Variants in THEMIS2 observed in about 807,000 individuals in gnomAD.
THEMIS2 encodes protein THEMIS2.
THEMIS2 carries 29 observed loss-of-function variants against 46.8 expected under a neutral mutation model. That is an observed-to-expected ratio of 0.62 (90% confidence interval 0.46 to 0.84). The LOEUF is 0.84. Ranked by LOEUF, THEMIS2 falls within the 40% of genes least tolerant of loss-of-function variation. The pLI is 0.00. For synonymous variants in THEMIS2, 335 were observed against 349.1 expected (o/e 0.96, Z 0.45); for missense variants, 698 against 834.7 (o/e 0.84, Z 2.02).
Position 27,882,491 on chromosome 1 carries a change from C to A in THEMIS2, c.1167C>A (p.Asp389Glu), listed in dbSNP as rs76072311. 2 of 1,613,338 alleles carry A rather than the reference C, an allele frequency of 1.2e-6. No individual in the cohort carries two copies. The highest frequency in any genetic ancestry group is 4.5e-5 in the East Asian group (2 of 44,858). ...AGGCCCATGGGGCCCAGGGCAGTGA[C>A]GTGGATGTCTTGGTTTGTCAGCGGC... Reference protein sequence around the residue: ...PGQAHGAQGSDVDVLVCQRLS... With the variant: ...PGQAHGAQGSEVDVLVCQRLS... Residue 389 changes from aspartate (D) to glutamate (E), a missense_variant, in exon 4 of 6, where the codon GAC (aspartate) becomes GAA (glutamate). Coordinates refer to ENST00000373921, the MANE Select transcript of THEMIS2 (RefSeq NM_001105556.3). The surrounding 1 kb of genome is among the most constrained non-coding windows in gnomAD (Gnocchi z 7.6).
rs74840077 is a variant in THEMIS2 at position 27,882,194 on chromosome 1, C to A, written c.870C>A (p.Cys290Ter). ...VGSLQKGQRLCVYGLASPPWR... is the reference protein window; with the variant it reads ...VGSLQKGQRL ...CCTTGCAAAAAGGCCAGAGGCTTTGCGTCTATGGCCTAGCCTCACCACCCT... is the reference window on the plus strand; with the variant it reads ...CCTTGCAAAAAGGCCAGAGGCTTTGAGTCTATGGCCTAGCCTCACCACCCT... The change falls in exon 4 of 6, where the codon TGC (cysteine) becomes TGA (stop). Residue 290 changes from cysteine (C) to a stop codon, truncating the protein, a stop_gained. Transcript: ENST00000373921. LOFTEE classifies it high-confidence loss of function. This position sits in a 1 kb window ranked among gnomAD's most constrained non-coding sequence, Gnocchi z 7.6. The A allele has an allele frequency of 6.2e-7, 1 of 1,613,330 alleles. No homozygotes were observed. Among genetic ancestry groups the A allele is most frequent in the African/African-American group, 1.3e-5 (1 of 74,904 alleles).
chr1:27,878,568 T>TAC (rs982418973), intron 2 of THEMIS2, among the ~76,000 whole-genome samples: 2 of 150,966 alleles, frequency 1.3e-5, no homozygotes, highest in African/African-American at 2.4e-5. Flanking sequence ...TCTCCATACA[T>TAC]ACACACACAC....
chr1:27,885,605 G>A (rs1328699616), intron 5 of THEMIS2, among the ~76,000 whole-genome samples, 154 bp downstream of exon 5: 3 of 152,164 alleles, frequency 2.0e-5, no homozygotes, highest in East Asian at 3.9e-4. Context: ...AGGTAGAAAG[G>A]TTCCTACTGT....
chr1:27,877,168 T>C (rs570011744), intron 2 of THEMIS2, among the ~76,000 whole-genome samples: 2 of 152,054 alleles, frequency 1.3e-5, no homozygotes. Flanking sequence ...TCATAAGCTT[T>C]AGAGAGGGGT....
rs1557449835 is a variant in THEMIS2 at position 27,879,823 on chromosome 1, C to T, written c.415C>T (p.Leu139Phe). The change falls in exon 3 of 6, where the codon CTC (leucine) becomes TTC (phenylalanine). Residue 139 changes from leucine (L) to phenylalanine (F), a missense_variant. Leu to Phe is a conservative substitution (Grantham distance 22). Transcript: ENST00000373921. ...CATGCTTGAGGCTGTGGTGATGCAC[C>T]TCGGGATCCGCTCTGCCCGCTGTGT... ...LLMLEAVVMH[L>F]GIRSARCVLG... 1.2e-6 allele frequency: 2 copies of T among 1,613,666 alleles called. No homozygotes were observed. Among genetic ancestry groups the T allele is most frequent in the South Asian group, 1.1e-5 (1 of 91,084 alleles).
Position 27,886,178 on chromosome 1 carries a change from A to G in THEMIS2, c.*256A>G. ...TCAGCCTCAGAGCCTTGGGATGCAGAGCAGCTGGCAGGGTTCCTCTCAATC... is the reference window on the plus strand; with the variant it reads ...TCAGCCTCAGAGCCTTGGGATGCAGGGCAGCTGGCAGGGTTCCTCTCAATC... On this transcript the variant is annotated 3_prime_UTR_variant, in exon 6 of 6. Transcript: ENST00000373921. 2.0e-6 allele frequency: 1 copy of G among 502,544 alleles called. No individual in the cohort carries two copies. The highest frequency in any genetic ancestry group is 3.6e-6 in the Non-Finnish European group (1 of 278,636). 31.1% of individuals were successfully genotyped at this position (502,544 alleles called of 1,614,324 possible). A position where few individuals can be genotyped will look rare whatever the true frequency, so the allele number is the denominator to read the frequency against.
Position 27,885,851 on chromosome 1 carries a change from T to C in THEMIS2, c.1877-16T>C. 1 of 1,613,854 alleles carries C rather than the reference T, an allele frequency of 6.2e-7. No individual in the cohort carries two copies. The highest frequency in any genetic ancestry group is 8.5e-7 in the Non-Finnish European group (1 of 1,179,858). On this transcript the variant is annotated splice_polypyrimidine_tract_variant and intron_variant, in intron 5 of 5. Coordinates refer to ENST00000373921, the MANE Select transcript of THEMIS2 (RefSeq NM_001105556.3). ...CCTAACGCTAAAGATCCTCATTGAC[T>C]CGGACTCTTTTGCAGATGATGATGA...
chr1:27,875,128 A>G (rs745482661), intron 1 of THEMIS2, among the ~76,000 whole-genome samples: 3 of 151,544 alleles, frequency 2.0e-5, no homozygotes, highest in South Asian at 2.1e-4. Context: ...ACAGGTGCCA[A>G]CCTCCACACT....
intron 2 of THEMIS2, 45 bp from the exon 3 acceptor site, chr1:27,879,599 C>T (rs750799391): frequency 1.8e-5 from 27 of 1,530,582 alleles, no homozygotes; most frequent in Non-Finnish European, 2.3e-5. Flanking sequence ...CTGCCCCACC[C>T]TGACACCCCA....
Position 27,886,059 on chromosome 1 carries a change from G to T in THEMIS2, c.*137G>T. The T allele has an allele frequency of 1.3e-6, 1 of 759,104 alleles. No homozygotes were observed. Among genetic ancestry groups the T allele is most frequent in the Non-Finnish European group, 2.2e-6 (1 of 450,036 alleles). The allele number at this position is 759,104 out of a possible 1,614,324, so 47.0% of individuals were successfully genotyped here. On this transcript the variant is annotated 3_prime_UTR_variant, in exon 6 of 6. Coordinates refer to ENST00000373921, the MANE Select transcript of THEMIS2 (RefSeq NM_001105556.3). ...GACGGGGAGTAGCTTTGTGGAAACT[G>T]ATTTGATGGACACTGCACCAGCTTC...
chr1:27,885,423 G>T lies in THEMIS2; in HGVS notation c.1848G>T (p.Arg616Ser). ...TTCCTGCCCACAGGAAGGGCCACAG[G>T]CCCGCTAAGCCCCAAAGGCAGGATC... The part of the protein sequence containing the change: ...SKIPAHRKGH[R>S]PAKPQRQDLD... The change falls in exon 5 of 6, where the codon AGG (arginine) becomes AGT (serine). Residue 616 changes from arginine to serine, a missense_variant. Arg to Ser is a moderately radical substitution (Grantham distance 110). Coordinates refer to ENST00000373921, the MANE Select transcript of THEMIS2 (RefSeq NM_001105556.3). 1.9e-6 allele frequency: 3 copies of T among 1,614,054 alleles called. No individual in the cohort carries two copies. Among genetic ancestry groups the T allele is most frequent in the Non-Finnish European group, 2.5e-6 (3 of 1,179,990 alleles).
intron 1 of THEMIS2, among the ~76,000 whole-genome samples, chr1:27,875,219 T>TC (rs2089555581): frequency 6.6e-6 from 1 of 152,150 alleles, no homozygotes; most frequent in South Asian, 2.1e-4. Context: ...TCTCAGGTGA[T>TC]CCCCCTGTCT....
rs952110578 is a variant in THEMIS2, at chr1:27,880,125, G to A, written c.646+71G>A. On this transcript the variant is annotated intron_variant, in intron 3 of 5. Coordinates refer to ENST00000373921, the MANE Select transcript of THEMIS2 (RefSeq NM_001105556.3). ...GAGGGTTGCCCCTGGGAGCTGCTCT[G>A]ATGGAAGACACCCCCACCCCATCCC... 4.7e-6 allele frequency: 7 copies of A among 1,477,146 alleles called. No individual in the cohort carries two copies. In the African/African-American group the frequency reaches 9.8e-5, roughly 21 times the overall value. The allele number at this position is 1,477,146 out of a possible 1,614,324, so 91.5% of individuals were successfully genotyped here.
rs1221888256 is a variant in THEMIS2 at position 27,885,948 on chromosome 1, C to G, written c.*26C>G. ...GTGCTGGAGGAACCACGCTTCCTAA[C>G]TGCTGCTTCTCAGGGAATCCGACAC... is the stretch of plus-strand genomic sequence containing the variant. On this transcript the variant is annotated 3_prime_UTR_variant, in exon 6 of 6. Coordinates refer to ENST00000373921, the MANE Select transcript of THEMIS2 (RefSeq NM_001105556.3). 3.1e-6 allele frequency: 5 copies of G among 1,611,964 alleles called. 1 individual carries two copies. Among genetic ancestry groups the G allele is most frequent in the South Asian group, 2.2e-5 (2 of 91,034 alleles).
At chr1:27,881,216 C>T (rs905624605) in intron 3 of THEMIS2, among the ~76,000 whole-genome samples, 16 of 151,496 alleles carry the variant, frequency 1.1e-4, no homozygotes, top group Admixed American at 3.3e-4. Flanking sequence ...TTTGGGAGGC[C>T]GAGGCAGGTG....
At chr1:27,878,571 A>G (rs2089627326) in intron 2 of THEMIS2, among the ~76,000 whole-genome samples, 1 of 150,810 alleles carries the variant, frequency 6.6e-6, no homozygotes, top group Non-Finnish European at 1.5e-5. Context: ...CCATACATAC[A>G]CACACACGAA....
chr1:27,873,650 A>G (rs2089527539), intron 1 of THEMIS2, among the ~76,000 whole-genome samples: 1 of 152,116 alleles, frequency 6.6e-6, no homozygotes, highest in Non-Finnish European at 1.5e-5. Flanking sequence ...GGGTCTCTCC[A>G]GGTCTGCTTG....
At chr1:27,876,825 C>A in intron 2 of THEMIS2, 97 bp downstream of exon 2, 2 of 1,472,986 alleles carry the variant, frequency 1.4e-6, no homozygotes, top group Non-Finnish European at 1.8e-6. Context: ...GTCACTCCCT[C>A]CCCTCGGGGT....
intron 1 of THEMIS2, among the ~76,000 whole-genome samples, chr1:27,876,117 G>T (rs1490659712): frequency 6.6e-6 from 1 of 151,562 alleles, no homozygotes; most frequent in Non-Finnish European, 1.5e-5. Flanking sequence ...CTGGCTCCGG[G>T]TGATCTCCAG....
Sources: allele counts gnomAD v4.1 joint callset (sites outside exome capture counted in the v4.1 genomes callset), GRCh38; gene constraint gnomAD v4.1.1; non-coding constraint Gnocchi (gnomAD v3.1); transcripts MANE v1.5; gene names NCBI Gene and HGNC (gene_info 2026-07-23, HGNC 2026-07-21).